The following SHROOM3 variants were observed in gnomAD, a reference collection of about 807,000 sequenced individuals.
SHROOM3 encodes shroom family member 3.
SHROOM3 carries 47 observed loss-of-function variants against 138.6 expected under a neutral mutation model. That is an observed-to-expected ratio of 0.34 (90% CI 0.27 to 0.43). The LOEUF is 0.43. Among genes scored for constraint, SHROOM3 ranks in the 20% least tolerant of loss-of-function variants. SHROOM3 has a pLI of 1.00. For missense variants in SHROOM3, 2,491 were observed against 2,596.5 expected (o/e 0.96, Z 0.88); for synonymous variants, 1,062 against 1,063.3 (o/e 1.00, Z 0.02).
chr4:76,648,523 C>T (rs1046787176), intron 2 of SHROOM3, among the ~76,000 whole-genome samples: 1 of 151,634 alleles, frequency 6.6e-6, no homozygotes, highest in Admixed American at 6.6e-5. Context: ...TTTTTAGCAG[C>T]CTCCTCCTCG....
intron 1 of SHROOM3, among the ~76,000 whole-genome samples, chr4:76,454,690 A>T (rs866841169): frequency 6.6e-6 from 1 of 151,898 alleles, no homozygotes; most frequent in South Asian, 2.1e-4. Context: ...AGGTTTTTTT[A>T]TTTCTGCAGT....
chr4:76,506,527 G>A (rs1317598893), intron 1 of SHROOM3, among the ~76,000 whole-genome samples: 1 of 152,138 alleles, frequency 6.6e-6, no homozygotes, highest in Non-Finnish European at 1.5e-5. Context: ...CACAGATACT[G>A]CAGGATGTAT....
At chr4:76,682,761 C>T (rs935764301) in intron 2 of SHROOM3, among the ~76,000 whole-genome samples, 1 of 152,204 alleles carries the variant, frequency 6.6e-6, no homozygotes, top group Non-Finnish European at 1.5e-5. Flanking sequence ...ATCTAAGTCA[C>T]GTCTAGCACT....
intron 2 of SHROOM3, chr4:76,628,761 G>C (rs1436307847): frequency 6.6e-6 from 1 of 151,998 alleles, no homozygotes; most frequent in East Asian, 1.9e-4. Flanking sequence ...TCAAAGTAAA[G>C]AAATAATATT....
At chr4:76,607,052 AT>A (rs1734638058) in intron 2 of SHROOM3, among the ~76,000 whole-genome samples, 1 of 151,990 alleles carries the variant, frequency 6.6e-6, no homozygotes, top group African/African-American at 2.4e-5. Flanking sequence ...AACATTTGAG[AT>A]TTGCAGTGTG....
chr4:76,656,724 A>C (rs1045886593), intron 2 of SHROOM3, among the ~76,000 whole-genome samples: 1 of 152,214 alleles, frequency 6.6e-6, no homozygotes, highest in Non-Finnish European at 1.5e-5. Flanking sequence ...AGGCCAGTAG[A>C]CGTGGATCTG....
chr4:76,477,972 T>C (rs1001469665), intron 1 of SHROOM3, among the ~76,000 whole-genome samples: 2 of 152,202 alleles, frequency 1.3e-5, no homozygotes, highest in African/African-American at 4.8e-5. Context: ...CCATGGTCTT[T>C]GCAACCCACA....
At chr4:76,669,921 C>A (rs1718828419) in intron 2 of SHROOM3, among the ~76,000 whole-genome samples, 1 of 152,240 alleles carries the variant, frequency 6.6e-6, no homozygotes, top group South Asian at 2.1e-4. Context: ...ACACCCACAC[C>A]ATATCTCATA....
chr4:76,732,962 A>T (rs1720927872), intron 4 of SHROOM3, among the ~76,000 whole-genome samples: 1 of 152,208 alleles, frequency 6.6e-6, no homozygotes, highest in Non-Finnish European at 1.5e-5. Flanking sequence ...ATTAAGCTGA[A>T]GACTTCAGGA....
chr4:76,440,421 C>T (rs928209297), intron 1 of SHROOM3, among the ~76,000 whole-genome samples: 6 of 152,180 alleles, frequency 3.9e-5, no homozygotes, highest in African/African-American at 1.4e-4. Context: ...ACATTTGGCT[C>T]TCTCTAGATT....
At chr4:76,619,984 C>T (rs1734962852) in intron 2 of SHROOM3, among the ~76,000 whole-genome samples, 1 of 147,960 alleles carries the variant, frequency 6.8e-6, no homozygotes, top group Non-Finnish European at 1.5e-5. Context: ...ATTACTTGAA[C>T]CTGGTGGAGG....
At chr4:76,660,552 T>G (rs1736161954) in intron 2 of SHROOM3, among the ~76,000 whole-genome samples, 1 of 152,186 alleles carries the variant, frequency 6.6e-6, no homozygotes, top group Non-Finnish European at 1.5e-5. Context: ...CTCGGCTCAC[T>G]GCAACCTCCG....
intron 9 of SHROOM3, among the ~76,000 whole-genome samples, chr4:76,769,193 C>T (rs1246388638): frequency 2.7e-5 from 4 of 150,486 alleles, no homozygotes; most frequent in Admixed American, 2.0e-4. Context: ...ACCAAGTTTC[C>T]AGTTGAAGCC....
At chr4:76,735,839 TAAAAAAAAAA>T (rs1170202101) in intron 4 of SHROOM3, among the ~76,000 whole-genome samples, 11 of 75,832 alleles carry the variant, frequency 1.5e-4, no homozygotes, top group African/African-American at 2.4e-4. Context: ...GACTCTATCT[TAAAAAAAAAA>T]AAAAAAAAAA....
chr4:76,618,262 G>A (rs1734926027), intron 2 of SHROOM3, among the ~76,000 whole-genome samples: 1 of 152,164 alleles, frequency 6.6e-6, no homozygotes, highest in Non-Finnish European at 1.5e-5. Flanking sequence ...CTATGATCAT[G>A]CCATTAAACT....
intron 2 of SHROOM3, among the ~76,000 whole-genome samples, chr4:76,691,109 C>T (rs145432898): frequency 6.6e-6 from 1 of 152,314 alleles, no homozygotes; most frequent in Non-Finnish European, 1.5e-5. Flanking sequence ...ACACATACCC[C>T]TTTCCAGTGC....
At chr4:76,613,024 C>G (rs1161633377) in intron 2 of SHROOM3, among the ~76,000 whole-genome samples, 1 of 152,202 alleles carries the variant, frequency 6.6e-6, no homozygotes, top group East Asian at 1.9e-4. Context: ...ATCCCAGCAT[C>G]TTATGAGGTG....
chr4:76,631,233 G>T (rs572347534), intron 2 of SHROOM3, among the ~76,000 whole-genome samples: 2 of 118,174 alleles, frequency 1.7e-5, no homozygotes, highest in Non-Finnish European at 3.4e-5. Flanking sequence ...TTGAGATGGA[G>T]TCTTGCTCTG....
At chr4:76,705,148 T>A (rs936150272) in intron 2 of SHROOM3, among the ~76,000 whole-genome samples, 1 of 151,764 alleles carries the variant, frequency 6.6e-6, no homozygotes, top group African/African-American at 2.4e-5. Flanking sequence ...TGAAACTCAG[T>A]TCAGAAAGCA....
Sources: allele counts gnomAD v4.1 joint callset (sites outside exome capture counted in the v4.1 genomes callset), GRCh38; gene constraint gnomAD v4.1.1; transcripts MANE v1.5; gene names NCBI Gene and HGNC (gene_info 2026-07-23, HGNC 2026-07-21).